N4BP2: variants seen among roughly 807,000 people sequenced by gnomAD.
N4BP2 encodes the protein NEDD4-binding protein 2.
In N4BP2, 91 loss-of-function variants were observed where a neutral mutation model predicts 152.8. The observed-to-expected ratio is 0.60, with a 90% CI of 0.50 to 0.71. N4BP2 has a LOEUF of 0.71. Ranked by LOEUF, N4BP2 falls within the 30% of genes least tolerant of loss-of-function variation. N4BP2 has a pLI of 0.00. For missense variants in N4BP2, 1,923 were observed against 2,059.1 expected (o/e 0.93, Z 1.28); for synonymous variants, 646 against 705.3 (o/e 0.92, Z 1.33).
intron 16 of N4BP2, among the ~76,000 whole-genome samples, chr4:40,150,444 A>T (rs1217586666): frequency 6.6e-6 from 1 of 152,186 alleles, no homozygotes; most frequent in African/African-American, 2.4e-5. Flanking sequence ...AGGCAGTCAG[A>T]TCACTTGAGG....
rs141759420 is a variant in N4BP2, at chr4:40,140,071, C to T, written c.4786-2602C>T. Among the ~76,000 whole-genome samples, 362 of 152,144 alleles carry T rather than the reference C, an allele frequency of 2.4e-3. 1 individual carries two copies. Among genetic ancestry groups the T allele is most frequent in the African/African-American group, 8.2e-3 (339 of 41,520 alleles). ...CCTCCCAAAGTGCTGGGATTACAGG[C>T]GTGAGCCACCATGCCCAGCCTTATT... On this transcript the variant is annotated intron_variant, in intron 14 of 17. Transcript: ENST00000261435.
chr4:40,109,787 C>A (rs1027685848), intron 5 of N4BP2, among the ~76,000 whole-genome samples: 4 of 151,820 alleles, frequency 2.6e-5, no homozygotes, highest in African/African-American at 9.7e-5. Flanking sequence ...TGTTAATAGG[C>A]GGAATTCATT....
At chr4:40,086,678 T>C (rs1237084496) in intron 2 of N4BP2, among the ~76,000 whole-genome samples, 1 of 151,948 alleles carries the variant, frequency 6.6e-6, no homozygotes, top group Non-Finnish European at 1.5e-5. Flanking sequence ...AAAAGACTTA[T>C]GGAGAGTATA....
the N4BP2 span, among the ~76,000 whole-genome samples, chr4:40,184,037 C>T: frequency 6.6e-6 from 1 of 152,182 alleles, no homozygotes; most frequent in Non-Finnish European, 1.5e-5. Context: ...CTCATAGCTG[C>T]AGGGGAAGCT....
At chr4:40,119,886 A>T (rs1717691998) in intron 8 of N4BP2, 46 bp from the exon 9 acceptor site, 2 of 865,006 alleles carry the variant, frequency 2.3e-6, no homozygotes, top group African/African-American at 3.4e-5. Flanking sequence ...TATTGATGGC[A>T]GCATTAAGAG....
rs771026196 is a variant in N4BP2 at position 40,102,918 on chromosome 4, C to T, written c.1073C>T (p.Pro358Leu). 14 of 1,614,206 alleles carry T rather than the reference C, an allele frequency of 8.7e-6. No homozygotes were observed. The highest frequency in any genetic ancestry group is 1.1e-5 in the Non-Finnish European group (13 of 1,180,046). ...APLPLLLPPP[P>L]PPPMWNPMIP... The stretch of plus-strand genomic sequence containing the variant: ...CTCCCATTGCTGTTGCCTCCTCCGC[C>T]ACCTCCACCGATGTGGAATCCAATG... The change falls in exon 4 of 18, where the codon CCA becomes CTA. Residue 358 changes from proline (P) to leucine (L), a missense_variant. Pro to Leu is a moderately conservative substitution (Grantham distance 98). Coordinates refer to ENST00000261435, the MANE Select transcript of N4BP2 (RefSeq NM_018177.6).
chr4:40,100,985 C>T (rs1189996594), intron 3 of N4BP2, among the ~76,000 whole-genome samples: 2 of 152,166 alleles, frequency 1.3e-5, no homozygotes, highest in Admixed American at 6.5e-5. Flanking sequence ...TTCACCCAAT[C>T]GACCTCCTTC....
intron 3 of N4BP2, among the ~76,000 whole-genome samples, chr4:40,098,789 A>G (rs183845899): frequency 1.1e-4 from 16 of 152,240 alleles, no homozygotes; most frequent in Non-Finnish European, 1.8e-4. Flanking sequence ...CAAGAAATCC[A>G]CATCATCCTA....
At position 40,155,904 on chromosome 4, in the gene N4BP2, C is replaced by G. The variant is rs1046025038; in HGVS notation, c.*1667C>G. The G allele has an allele frequency of 1.3e-5, 2 of 152,030 alleles. No homozygotes were observed. Among genetic ancestry groups the G allele is most frequent in the African/African-American group, 4.8e-5 (2 of 41,390 alleles). The allele number at this position is 152,030 out of a possible 1,614,324, so 9.4% of individuals were successfully genotyped here. On this transcript the variant is annotated 3_prime_UTR_variant, in exon 18 of 18. Transcript: ENST00000261435. ...TTTTAGTTCCATAAAAATGAAAATA[C>G]ATGTTTATTATTTAGAAATGGTTAG...
rs1717782580 is a variant in N4BP2, at chr4:40,120,522, A to T, written c.2411A>T (p.Asn804Ile). 6.2e-7 allele frequency: 1 copy of T among 1,613,342 alleles called. No homozygotes were observed. Among genetic ancestry groups the T allele is most frequent in the Non-Finnish European group, 8.5e-7 (1 of 1,179,880 alleles). Residue 804 changes from asparagine (N) to isoleucine (I), a missense_variant, in exon 9 of 18, where the codon AAC becomes ATC. Physicochemically the swap from Asn to Ile is moderately radical, Grantham distance 149. Coordinates refer to ENST00000261435, the MANE Select transcript of N4BP2 (RefSeq NM_018177.6). ...ACTATTGGTCAGAGGACAAAAAGGA[A>T]CAGAAAAACTGAAAAAACTTCATCC... The part of the protein sequence containing the change: ...DKTIGQRTKR[N>I]RKTEKTSSVQ...
chr4:40,184,254 A>G, the N4BP2 span, among the ~76,000 whole-genome samples: 1 of 152,180 alleles, frequency 6.6e-6, no homozygotes, highest in Non-Finnish European at 1.5e-5. Flanking sequence ...AGTTCTCAGA[A>G]GCTTCCCTGT....
chr4:40,147,754 G>A (rs1276918417), intron 16 of N4BP2, among the ~76,000 whole-genome samples: 1 of 149,392 alleles, frequency 6.7e-6, no homozygotes, highest in African/African-American at 2.5e-5. Flanking sequence ...CGGGCGGAGG[G>A]GCTTCTCACT....
In N4BP2 at chr4:40,152,869, G is replaced by A; in HGVS notation, c.5233G>A (p.Ala1745Thr). ...SQGGVARIKP[A>T]VIKYLISHSF... ...GGGAGGAGTTGCTCGCATCAAACCA[G>A]CTGTCATTAAGTACCTCATAAGCCA... The change falls in exon 17 of 18, where the codon GCT (alanine) becomes ACT (threonine). Residue 1745 changes from alanine to threonine, a missense_variant. Physicochemically the swap from Ala to Thr is moderately conservative, Grantham distance 58. Coordinates refer to ENST00000261435, the MANE Select transcript of N4BP2 (RefSeq NM_018177.6). The A allele has an allele frequency of 6.2e-7, 1 of 1,614,056 alleles. No individual in the cohort carries two copies. Among genetic ancestry groups the A allele is most frequent in the Non-Finnish European group, 8.5e-7 (1 of 1,179,950 alleles).
chr4:40,073,053 G>A (rs1712370249), intron 1 of N4BP2, among the ~76,000 whole-genome samples: 1 of 152,082 alleles, frequency 6.6e-6, no homozygotes, highest in African/African-American at 2.4e-5. Context: ...TTCACCTAAT[G>A]ATTTTAGCAT....
chr4:40,167,117 T>A, the N4BP2 span: 1 of 152,230 alleles, frequency 6.6e-6, no homozygotes, highest in African/African-American at 2.4e-5. Flanking sequence ...ATAATTGACC[T>A]GGTGTTTGTG....
At chr4:40,069,161 G>C (rs1481104158) in intron 1 of N4BP2, among the ~76,000 whole-genome samples, 3 of 151,724 alleles carry the variant, frequency 2.0e-5, no homozygotes, top group Non-Finnish European at 4.4e-5. Context: ...TTCCCAGCCG[G>C]GCACAGTGAC....
chr4:40,102,020 A>G, intron 3 of N4BP2, 55 bp from the exon 4 acceptor site: 1 of 1,085,586 alleles, frequency 9.2e-7, no homozygotes, highest in Non-Finnish European at 1.3e-6. Flanking sequence ...AAATTATTAA[A>G]TCTGTTTTCT....
At position 40,122,255 on chromosome 4, in the gene N4BP2, C is replaced by T; in HGVS notation, c.4144C>T (p.Pro1382Ser). The T allele has an allele frequency of 6.3e-7, 1 of 1,596,196 alleles. No individual in the cohort carries two copies. Among genetic ancestry groups the T allele is most frequent in the South Asian group, 1.1e-5 (1 of 89,202 alleles). Residue 1382 changes from proline (P) to serine (S), a missense_variant, in exon 9 of 18, where the codon CCT (proline) becomes TCT (serine). By Grantham distance (74) the Pro-to-Ser change is moderately conservative. Coordinates refer to ENST00000261435, the MANE Select transcript of N4BP2 (RefSeq NM_018177.6). Reference sequence around the variant, plus strand: ...AGACTGTCTGGAATTGGCATTACCCCCTGAACTGGCTTTTCAACTTAATGA... The same window carrying T: ...AGACTGTCTGGAATTGGCATTACCCTCTGAACTGGCTTTTCAACTTAATGA... ...TIDCLELALP[P>S]ELAFQLNELF...
downstream of N4BP2, among the ~76,000 whole-genome samples, chr4:40,159,229 C>T (rs950851990): frequency 8.5e-5 from 13 of 152,242 alleles, no homozygotes; most frequent in Non-Finnish European, 1.6e-4. Flanking sequence ...TAATAGTCTA[C>T]TGTTCTCTCC....
Sources: allele counts gnomAD v4.1 joint callset (sites outside exome capture counted in the v4.1 genomes callset), GRCh38; gene constraint gnomAD v4.1.1; transcripts MANE v1.5; gene names NCBI Gene and HGNC (gene_info 2026-07-23, HGNC 2026-07-21).